HUNK: variants seen among roughly 807,000 people sequenced by gnomAD.
The protein encoded by HUNK is hormonally up-regulated Neu-associated kinase, also known as hormonally up-regulated neu tumor-associated kinase.
In HUNK, 21 loss-of-function variants were observed where a neutral mutation model predicts 61.0. The ratio of observed to expected loss-of-function variants is 0.34; its 90% CI spans 0.24 to 0.50. The LOEUF (loss-of-function observed/expected upper bound fraction) is 0.50. HUNK is among the 20% of genes least tolerant of loss of function. The probability of loss-of-function intolerance (pLI) is 0.98; values close to 1 mark genes in which losing one functional copy is unlikely to be tolerated. For synonymous variants in HUNK, 371 were observed against 386.1 expected (o/e 0.96, Z 0.46); for missense variants, 772 against 945.7 (o/e 0.82, Z 2.41).
intron 8 of HUNK, among the ~76,000 whole-genome samples, chr21:31,986,866 ATCC>A (rs2053137007): frequency 6.6e-6 from 1 of 151,768 alleles, no homozygotes; most frequent in African/African-American, 2.4e-5. Flanking sequence ...TATCCTATCG[ATCC>A]TATCTGCCTA....
chr21:31,887,932 G>C (rs1397635078), intron 1 of HUNK, among the ~76,000 whole-genome samples: 1 of 152,112 alleles, frequency 6.6e-6, no homozygotes, highest in East Asian at 1.9e-4. Context: ...TTTTTGCTTT[G>C]ATCATGAGGA....
At chr21:31,929,259 T>A (rs75859105) in intron 2 of HUNK, among the ~76,000 whole-genome samples, 1 of 151,942 alleles carries the variant, frequency 6.6e-6, no homozygotes, top group Non-Finnish European at 1.5e-5. Flanking sequence ...TTTTTTTTTT[T>A]AATACAAAGG....
intron 4 of HUNK, among the ~76,000 whole-genome samples, chr21:31,951,158 C>G (rs555964483): frequency 3.4e-4 from 51 of 151,022 alleles, no homozygotes; most frequent in Non-Finnish European, 5.8e-4. Context: ...TAAAATAATT[C>G]ACTTCTTTCC....
chr21:31,883,041 C>A (rs1336954652), intron 1 of HUNK, among the ~76,000 whole-genome samples: 1 of 150,984 alleles, frequency 6.6e-6, no homozygotes, highest in African/African-American at 2.4e-5. Context: ...TTGTTATTCT[C>A]AAACCATACT....
intron 1 of HUNK, among the ~76,000 whole-genome samples, chr21:31,879,727 G>A (rs2052292121): frequency 6.6e-6 from 1 of 152,178 alleles, no homozygotes; most frequent in Non-Finnish European, 1.5e-5. Flanking sequence ...CAGAAGGGGT[G>A]GGGAGTGGCA....
At chr21:31,943,236 G>T (rs1457312149) in intron 3 of HUNK, among the ~76,000 whole-genome samples, 6 of 152,000 alleles carry the variant, frequency 3.9e-5, no homozygotes, top group African/African-American at 1.4e-4. Flanking sequence ...TTAATCAGGA[G>T]GTTTTTTTTC....
chr21:31,940,124 G>A lies in HUNK; in HGVS notation c.555-41G>A, dbSNP rs185815073. ...AAGCAAAATGTAATTCCATTATTTCGAATGCTTATCTGAAATGCTGTGTGG... is the reference window on the plus strand; with the variant it reads ...AAGCAAAATGTAATTCCATTATTTCAAATGCTTATCTGAAATGCTGTGTGG... On this transcript the variant is annotated intron_variant, in intron 2 of 10. Coordinates refer to ENST00000270112, the MANE Select transcript of HUNK (RefSeq NM_014586.2). The A allele has an allele frequency of 2.6e-4, 388 of 1,490,170 alleles. 2 individuals are homozygous for A. In the African/African-American group the frequency reaches 4.2e-3, roughly 16 times the overall value. The allele number at this position is 1,490,170 out of a possible 1,614,324, so 92.3% of individuals were successfully genotyped here.
intron 2 of HUNK, among the ~76,000 whole-genome samples, chr21:31,938,775 G>A (rs1437881680): frequency 4.6e-5 from 7 of 152,212 alleles, no homozygotes; most frequent in Admixed American, 1.3e-4. Context: ...GTGTGTGTGC[G>A]TGTGTGTAAG....
At chr21:31,995,606 A>G (rs1337644958) in intron 9 of HUNK, among the ~76,000 whole-genome samples, 162 bp from the exon 10 acceptor site, 3 of 152,168 alleles carry the variant, frequency 2.0e-5, no homozygotes, top group Non-Finnish European at 4.4e-5. Flanking sequence ...TTCCTGGAGC[A>G]TTGGCTGGGC....
At chr21:31,968,868 G>A (rs1199322214) in intron 6 of HUNK, among the ~76,000 whole-genome samples, 4 of 117,948 alleles carry the variant, frequency 3.4e-5, no homozygotes, top group African/African-American at 1.2e-4. Context: ...GTGTGTGTGT[G>A]TGTGTGTATG....
chr21:31,946,064 C>A lies in HUNK; in HGVS notation c.639C>A (p.Ile213=). 1.2e-6 allele frequency: 2 copies of A among 1,610,536 alleles called. No homozygotes were observed. ...IDFGLSNCAG[I]LGYSDPFSTQ... ...TTGGTTTGAGCAACTGCGCAGGGAT[C>A]CTGGGTTACTCGGATCCGTTCAGCA... is the stretch of plus-strand genomic sequence containing the variant. The change falls in exon 4 of 11, where the codon ATC becomes ATA. Residue 213 remains isoleucine (I), a synonymous_variant. Coordinates refer to ENST00000270112, the MANE Select transcript of HUNK (RefSeq NM_014586.2).
At chr21:31,909,585 C>T (rs1401866926) in intron 1 of HUNK, among the ~76,000 whole-genome samples, 1 of 152,158 alleles carries the variant, frequency 6.6e-6, no homozygotes, top group Non-Finnish European at 1.5e-5. Context: ...AATTTTAGCT[C>T]AGCAGCAGGA....
At chr21:31,919,816 G>C (rs571964010) in intron 1 of HUNK, among the ~76,000 whole-genome samples, 3 of 152,318 alleles carry the variant, frequency 2.0e-5, no homozygotes, top group East Asian at 1.9e-4. Flanking sequence ...GGAGGAGAGA[G>C]AGGCTGCCGG....
chr21:31,893,827 G>A (rs2052407809), intron 1 of HUNK, among the ~76,000 whole-genome samples: 1 of 152,178 alleles, frequency 6.6e-6, no homozygotes, highest in Admixed American at 6.5e-5. Flanking sequence ...GCCTTTAAGG[G>A]TTATACTTTC....
chr21:31,918,403 C>T (rs997742528), intron 1 of HUNK, among the ~76,000 whole-genome samples: 2 of 152,210 alleles, frequency 1.3e-5, no homozygotes, highest in African/African-American at 4.8e-5. Flanking sequence ...GTAGGGCACA[C>T]ACCAGGGGTG....
chr21:31,974,691 A>G lies in HUNK; in HGVS notation c.1147A>G (p.Lys383Glu). The change falls in exon 7 of 11, where the codon AAG becomes GAG. Residue 383 changes from lysine to glutamate, a missense_variant. Coordinates refer to ENST00000270112, the MANE Select transcript of HUNK (RefSeq NM_014586.2). ...CCTGGCCATCTACTTCCTCTTAAAC[A>G]AGAAACTGGAGCGCTATTTGTCAGG... The part of the protein sequence containing the change: ...HILAIYFLLN[K>E]KLERYLSGKS... 2 of 1,613,742 alleles carry G rather than the reference A, an allele frequency of 1.2e-6. No individual in the cohort carries two copies. Among genetic ancestry groups the G allele is most frequent in the Non-Finnish European group, 1.7e-6 (2 of 1,179,834 alleles).
At position 31,873,834 on chromosome 21, in the gene HUNK, C is replaced by A. The variant is rs1209675855; in HGVS notation, c.160C>A (p.His54Asn). 1.3e-6 allele frequency: 2 copies of A among 1,584,086 alleles called. No homozygotes were observed. The highest frequency in any genetic ancestry group is 1.7e-6 in the Non-Finnish European group (2 of 1,167,958). The change falls in exon 1 of 11, where the codon CAC becomes AAC. Residue 54 changes from histidine (H) to asparagine (N), a missense_variant. Coordinates refer to ENST00000270112, the MANE Select transcript of HUNK (RefSeq NM_014586.2). This position sits in a 1 kb window ranked among gnomAD's most constrained non-coding sequence, Gnocchi z 6.1. The stretch of plus-strand genomic sequence containing the variant: ...CCGCGAGCGGCTCCGCGACTTCCAG[C>A]ACCACAAGCGCGTGGGCAACTACCT... ...VPRERLRDFQ[H>N]HKRVGNYLIG...
At chr21:31,953,090 A>T (rs1046319501) in intron 4 of HUNK, among the ~76,000 whole-genome samples, 4 of 152,156 alleles carry the variant, frequency 2.6e-5, no homozygotes, top group African/African-American at 9.7e-5. Context: ...ATCCTCACAT[A>T]CTTCTGAAAT....
chr21:31,875,365 C>G (rs979596613), intron 1 of HUNK, among the ~76,000 whole-genome samples: 1 of 152,158 alleles, frequency 6.6e-6, no homozygotes, highest in South Asian at 2.1e-4. Flanking sequence ...CCTGTGTTCC[C>G]TACAGCCGTT....
Sources: gnomAD v4.1 joint callset for allele counts (sites outside exome capture counted in the v4.1 genomes callset) on GRCh38, gnomAD v4.1.1 for gene constraint, Gnocchi (gnomAD v3.1) non-coding constraint, MANE v1.5 for transcripts, NCBI Gene and HGNC (gene_info 2026-07-23, HGNC 2026-07-21) for gene names.